The following DOCK5 variants were observed in gnomAD, a reference collection of about 807,000 sequenced individuals.
DOCK5 encodes the protein dedicator of cytokinesis 5, also known as dedicator of cytokinesis protein 5.
DOCK5 carries 142 observed loss-of-function variants against 251.8 expected under a neutral mutation model. The observed-to-expected ratio is 0.56, with a 90% CI of 0.49 to 0.65. The LOEUF is 0.65. DOCK5 is among the 30% of genes least tolerant of loss of function. The pLI is 0.00. For missense variants in DOCK5, 2,111 were observed against 2,312.3 expected (o/e 0.91, Z 1.79); for synonymous variants, 842 against 835.5 (o/e 1.01, Z -0.13).
intron 1 of DOCK5, among the ~76,000 whole-genome samples, chr8:25,236,496 G>A (rs547151128): frequency 2.6e-5 from 4 of 152,320 alleles, no homozygotes; most frequent in African/African-American, 9.6e-5. Context: ...GATCAAAGAT[G>A]AGTTGTGCCT....
chr8:25,292,089 C>A lies in DOCK5; in HGVS notation c.387C>A (p.Ser129=). The part of the protein sequence containing the change: ...QMTYSLIEWR[S]QILSGTLPKD... ...CGTACAGCCTGATCGAGTGGCGGTCCCAGATCCTGTCTGGGACGCTCCCCA... is the reference window on the plus strand; with the variant it reads ...CGTACAGCCTGATCGAGTGGCGGTCACAGATCCTGTCTGGGACGCTCCCCA... Residue 129 remains serine, a synonymous_variant, in exon 6 of 52, where the codon TCC becomes TCA. Coordinates refer to ENST00000276440, the MANE Select transcript of DOCK5 (RefSeq NM_024940.8). 1 of 1,595,384 alleles carries A rather than the reference C, an allele frequency of 6.3e-7. No individual in the cohort carries two copies. Among genetic ancestry groups the A allele is most frequent in the Non-Finnish European group, 8.5e-7 (1 of 1,170,008 alleles).
chr8:25,219,422 TATC>T (rs1368194629), intron 1 of DOCK5, among the ~76,000 whole-genome samples: 7 of 152,192 alleles, frequency 4.6e-5, no homozygotes, highest in African/African-American at 1.7e-4. Context: ...TGTCCATGGC[TATC>T]ATCCGAGACC....
intron 24 of DOCK5, 55 bp from the exon 25 acceptor site, chr8:25,342,346 A>G: frequency 1.5e-6 from 2 of 1,371,486 alleles, no homozygotes; most frequent in Non-Finnish European, 1.0e-6. Context: ...GTTTATAATG[A>G]TGCCTTCAAT....
chr8:25,244,727 G>A (rs1009925706), intron 2 of DOCK5, among the ~76,000 whole-genome samples: 2 of 152,198 alleles, frequency 1.3e-5, no homozygotes, highest in Non-Finnish European at 2.9e-5. Flanking sequence ...AAAGGAAGCA[G>A]GATTTGGCCA....
chr8:25,384,440 T>C (rs1801124034), intron 40 of DOCK5, among the ~76,000 whole-genome samples: 1 of 24,872 alleles, frequency 4.0e-5, no homozygotes, highest in Non-Finnish European at 1.2e-4. Context: ...ATTTTATTTA[T>C]TTATTTATTT....
At chr8:25,401,170 A>G in intron 47 of DOCK5, 104 bp downstream of exon 47, 6 of 1,480,714 alleles carry the variant, frequency 4.1e-6, no homozygotes, top group Non-Finnish European at 5.5e-6. Flanking sequence ...TAACTTAGCT[A>G]TGGCATGGAA....
At chr8:25,300,263 G>A (rs560927289) in intron 8 of DOCK5, among the ~76,000 whole-genome samples, 45 of 152,304 alleles carry the variant, frequency 3.0e-4, no homozygotes, top group African/African-American at 1.0e-3. Context: ...TTTTGAGATG[G>A]AAGGACAACC....
intron 1 of DOCK5, among the ~76,000 whole-genome samples, chr8:25,221,986 G>A (rs11135856): frequency 0.25 from 37,392 of 152,048 alleles, 6,042 homozygotes; most frequent in African/African-American, 0.46. Context: ...TTGAGAGTGA[G>A]GAAGTGTGCT....
intron 39 of DOCK5, among the ~76,000 whole-genome samples, chr8:25,381,912 C>T (rs991075920): frequency 4.6e-5 from 7 of 152,260 alleles, no homozygotes; most frequent in Middle Eastern, 6.8e-3. Flanking sequence ...ACTGAAAAAC[C>T]GAACATCACC....
chr8:25,408,962 A>G (rs367879227), intron 50 of DOCK5, 22 bp downstream of exon 50: 20 of 1,613,806 alleles, frequency 1.2e-5, no homozygotes, highest in African/African-American at 6.7e-5. Flanking sequence ...TGTATTCCTT[A>G]TAGTCTTTTT....
rs974652137 is a variant in DOCK5 at position 25,353,565 on chromosome 8, T to C, written c.2850+1739T>C. On this transcript the variant is annotated intron_variant, in intron 27 of 51. Coordinates refer to ENST00000276440, the MANE Select transcript of DOCK5 (RefSeq NM_024940.8). The stretch of plus-strand genomic sequence containing the variant: ...AACAGTCAGATTGTTGGCAAGGAAA[T>C]ACTATTTTTTTTTTTACCAACAGAA... Among the ~76,000 whole-genome samples, 6 of 151,794 alleles carry C rather than the reference T, an allele frequency of 4.0e-5. No individual in the cohort carries two copies. The South Asian group carries it at 1.2e-3, about 31-fold the overall frequency.
intron 35 of DOCK5, among the ~76,000 whole-genome samples, chr8:25,373,283 C>T (rs962630219): frequency 8.5e-5 from 13 of 152,162 alleles, no homozygotes; most frequent in Non-Finnish European, 1.3e-4. Flanking sequence ...CAGGCGTGAG[C>T]CACCGCACCC....
At chr8:25,283,052 C>G (rs1196884244) in intron 5 of DOCK5, among the ~76,000 whole-genome samples, 5 of 151,920 alleles carry the variant, frequency 3.3e-5, no homozygotes, top group Admixed American at 3.3e-4. Flanking sequence ...GGTGATTATT[C>G]TAGAAAAGAA....
chr8:25,226,090 A>G (rs1802523051), intron 1 of DOCK5, among the ~76,000 whole-genome samples: 2 of 152,202 alleles, frequency 1.3e-5, no homozygotes, highest in Admixed American at 6.5e-5. Flanking sequence ...TACTGAAGTC[A>G]TTTAGCAGGT....
chr8:25,297,144 G>T (rs1804636860), intron 7 of DOCK5, among the ~76,000 whole-genome samples: 1 of 152,012 alleles, frequency 6.6e-6, no homozygotes, highest in Non-Finnish European at 1.5e-5. Flanking sequence ...GCCCAGGCTG[G>T]AGTGCAGTGG....
At chr8:25,367,897 G>A (rs549748176) in intron 31 of DOCK5, among the ~76,000 whole-genome samples, 11 of 152,202 alleles carry the variant, frequency 7.2e-5, no homozygotes, top group East Asian at 3.9e-4. Context: ...AGTGTTTGCC[G>A]TGTTTTGTTT....
At chr8:25,408,745 T>C in intron 49 of DOCK5, 57 bp from the exon 50 acceptor site, 1 of 1,599,530 alleles carries the variant, frequency 6.3e-7, no homozygotes. Context: ...TTGAGAGCAT[T>C]GTTGAGCTCA....
At chr8:25,249,655 C>G (rs937986719) in intron 2 of DOCK5, among the ~76,000 whole-genome samples, 3 of 152,186 alleles carry the variant, frequency 2.0e-5, no homozygotes, top group Non-Finnish European at 4.4e-5. Flanking sequence ...GGCATGATCA[C>G]GGCTCACTGC....
chr8:25,386,885 G>A (rs528344908), intron 40 of DOCK5, among the ~76,000 whole-genome samples: 5 of 152,296 alleles, frequency 3.3e-5, no homozygotes, highest in Middle Eastern at 3.4e-3. Context: ...TTTCTGATCC[G>A]TAATTTAGAA....
Sources: gnomAD v4.1 joint callset for allele counts (sites outside exome capture counted in the v4.1 genomes callset) on GRCh38, gnomAD v4.1.1 for gene constraint, MANE v1.5 for transcripts, NCBI Gene and HGNC (gene_info 2026-07-23, HGNC 2026-07-21) for gene names.